Variants in KCNN2 observed in about 807,000 individuals in gnomAD.
KCNN2 encodes the protein potassium calcium-activated channel subfamily N member 2.
Under a neutral mutation model 55.5 loss-of-function variants are expected in KCNN2, and 24 were observed. That is an observed-to-expected ratio of 0.43 (90% CI 0.31 to 0.61). The LOEUF is 0.61. Among genes scored for constraint, KCNN2 ranks in the 20% least tolerant of loss-of-function variants. The pLI is 0.08. For missense variants in KCNN2, 754 were observed against 853.6 expected (o/e 0.88, Z 1.45); for synonymous variants, 431 against 336.1 (o/e 1.28, Z -3.09).
intron 2 of KCNN2, among the ~76,000 whole-genome samples, chr5:114,236,805 CATAT>C (rs1006926947): frequency 1.3e-5 from 2 of 151,984 alleles, no homozygotes; most frequent in African/African-American, 4.8e-5. Flanking sequence ...CATGTACACA[CATAT>C]ATATACACAT....
chr5:114,444,324 G>C lies in KCNN2; in HGVS notation c.1638-18725G>C, dbSNP rs150579664. Among the ~76,000 whole-genome samples, 8 of 152,160 alleles carry C rather than the reference G, an allele frequency of 5.3e-5. No homozygotes were observed. In the East Asian group the frequency reaches 1.2e-3, roughly 22 times the overall value. On this transcript the variant is annotated intron_variant, in intron 3 of 7. Transcript: ENST00000673685. ...CCCTTCTCAGGAGGAGGAGGGGTTAGAGTATTAAGAAATCACTGACTTCGG... is the reference window on the plus strand; with the variant it reads ...CCCTTCTCAGGAGGAGGAGGGGTTACAGTATTAAGAAATCACTGACTTCGG...
rs1329487037 is a variant in KCNN2 at position 114,483,278 on chromosome 5, T to C, written c.1891-3772T>C. ...GTAGTAGTGTTTCTTTCTTTCTTTT[T>C]TTTTTTTTTTTTTTGAGAGACGGAG... On this transcript the variant is annotated intron_variant, in intron 5 of 7. Coordinates refer to ENST00000673685, the MANE Select transcript of KCNN2 (RefSeq NM_021614.4). 2.0e-3 allele frequency among the ~76,000 whole-genome samples: 294 copies of C among 146,906 alleles called. 1 individual carries two copies. The highest frequency in any genetic ancestry group is 2.0e-3 in the Non-Finnish European group (132 of 66,506).
At chr5:114,194,779 A>G (rs1473970929) in intron 1 of KCNN2, among the ~76,000 whole-genome samples, 2 of 151,810 alleles carry the variant, frequency 1.3e-5, no homozygotes, top group Non-Finnish European at 2.9e-5. Flanking sequence ...TTGTAGATTT[A>G]CTCCTGTGAG....
At chr5:114,488,539 A>G (rs1203138773) in intron 6 of KCNN2, among the ~76,000 whole-genome samples, 1 of 152,184 alleles carries the variant, frequency 6.6e-6, no homozygotes, top group African/African-American at 2.4e-5. Context: ...AGTTACCCTT[A>G]TAACCCAGAA....
chr5:114,388,157 A>G (rs898159862), intron 2 of KCNN2, among the ~76,000 whole-genome samples: 2 of 152,072 alleles, frequency 1.3e-5, no homozygotes, highest in South Asian at 2.1e-4. Context: ...AGTTTGGTTC[A>G]TTTACATTTT....
At chr5:114,100,057 T>A (rs1405565899) in intron 1 of KCNN2, among the ~76,000 whole-genome samples, 1 of 151,958 alleles carries the variant, frequency 6.6e-6, no homozygotes, top group Non-Finnish European at 1.5e-5. Flanking sequence ...ATCTTATAGA[T>A]CAGAAATGAG....
At chr5:114,394,630 T>C (rs1464832683) in intron 2 of KCNN2, among the ~76,000 whole-genome samples, 1 of 152,244 alleles carries the variant, frequency 6.6e-6, no homozygotes, top group Non-Finnish European at 1.5e-5. Flanking sequence ...AGTATTTTCA[T>C]TTTCACATCT....
chr5:114,159,012 T>C (rs963282342), intron 1 of KCNN2, among the ~76,000 whole-genome samples: 2 of 152,174 alleles, frequency 1.3e-5, no homozygotes, highest in African/African-American at 4.8e-5. Context: ...TCCTGCCTGA[T>C]TGCCCTGGCC....
intron 1 of KCNN2, among the ~76,000 whole-genome samples, chr5:114,157,576 G>A (rs185071209): frequency 1.3e-5 from 2 of 152,238 alleles, no homozygotes; most frequent in East Asian, 3.9e-4. Flanking sequence ...CTGAGGAATT[G>A]CCACACTGAC....
chr5:114,479,592 A>G (rs1055545997), intron 5 of KCNN2, among the ~76,000 whole-genome samples: 3 of 152,202 alleles, frequency 2.0e-5, no homozygotes, highest in Admixed American at 6.6e-5. Context: ...TCTGATCGCT[A>G]TGTGGCACTT....
At position 114,362,469 on chromosome 5, in the gene KCNN2, G is replaced by GTCC. The variant is rs1245742257; in HGVS notation, c.332_334dup (p.Ser111dup). ...GCACCTCCTCGCCGCTGTCGGGCTCGTCCTGCTGCTGCTGCTGCTGCTCGT... is the reference window on the plus strand; with the variant it reads ...GCACCTCCTCGCCGCTGTCGGGCTCGTCCTCCTGCTGCTGCTGCTGCTGCTCGT... On this transcript the variant is annotated inframe_insertion, in exon 1 of 8. Coordinates refer to ENST00000673685, the MANE Select transcript of KCNN2 (RefSeq NM_021614.4). 2 of 430,722 alleles carry GTCC rather than the reference G, an allele frequency of 4.6e-6. No homozygotes were observed. The highest frequency in any genetic ancestry group is 4.2e-5 in the African/African-American group (2 of 47,806). The allele number at this position is 430,722 out of a possible 1,614,324, so 26.7% of individuals were successfully genotyped here. A position where few individuals can be genotyped will look rare whatever the true frequency, so the allele number is the denominator to read the frequency against.
intron 1 of KCNN2, among the ~76,000 whole-genome samples, chr5:114,119,187 C>T (rs6879488): frequency 0.031 from 4,682 of 152,226 alleles, 251 homozygotes; most frequent in African/African-American, 0.11. Flanking sequence ...TCCAGTGGGT[C>T]AGCCCAGGAG....
At chr5:114,196,441 C>T (rs892141733) in intron 1 of KCNN2, among the ~76,000 whole-genome samples, 14 of 152,036 alleles carry the variant, frequency 9.2e-5, no homozygotes, top group African/African-American at 3.4e-4. Context: ...GGTATTAATT[C>T]TTTTTTGAAT....
intron 1 of KCNN2, among the ~76,000 whole-genome samples, chr5:114,143,282 G>T (rs1240475642): frequency 6.6e-6 from 1 of 152,152 alleles, no homozygotes; most frequent in Non-Finnish European, 1.5e-5. Flanking sequence ...ACAATATAGT[G>T]TGTGCATCAG....
chr5:114,276,476 AG>A (rs1266284363), intron 2 of KCNN2, among the ~76,000 whole-genome samples: 3 of 151,974 alleles, frequency 2.0e-5, no homozygotes, highest in African/African-American at 4.8e-5. Context: ...GTCTCTTTTT[AG>A]GTCTCTAAGA....
intron 2 of KCNN2, among the ~76,000 whole-genome samples, chr5:114,331,463 A>G (rs1213867134): frequency 6.6e-6 from 1 of 152,230 alleles, no homozygotes; most frequent in African/African-American, 2.4e-5. Flanking sequence ...TTAACAAAGC[A>G]TCGGGAAACA....
In KCNN2 at chr5:114,288,815, C is replaced by A. The variant is rs1755818758; in HGVS notation, c.-185+67250C>A. Among the ~76,000 whole-genome samples the A allele has an allele frequency of 3.3e-5, 5 of 152,080 alleles. No homozygotes were observed. In the South Asian group the frequency reaches 1.0e-3, roughly 31 times the overall value. On this transcript the variant is annotated intron_variant, in intron 2 of 10. Transcript: ENST00000512097. ...TATTTTCACGCATCCTGTAGGTTGT[C>A]TTTTCACCTTCTTAATAATGTCCAT...
rs575180088 is a variant in KCNN2 at position 114,296,055 on chromosome 5, C to T, written c.-184-64890C>T. ...AAAAATAAAGATGTGATTGTTTTACCCACCTAAGCTCATAGATATACTGTA... is the reference window on the plus strand; with the variant it reads ...AAAAATAAAGATGTGATTGTTTTACTCACCTAAGCTCATAGATATACTGTA... On this transcript the variant is annotated intron_variant, in intron 2 of 10. Transcript: ENST00000512097. Among the ~76,000 whole-genome samples the T allele has an allele frequency of 6.6e-5, 10 of 152,162 alleles. No homozygotes were observed. The East Asian group carries it at 1.9e-3, about 29-fold the overall frequency.
Position 114,475,616 on chromosome 5 carries a change from C to G in KCNN2, c.1890+2452C>G, listed in dbSNP as rs116755257. ...GGATCAAGAGCTAAAGAATCACATT[C>G]GAGTATTCCAAAGATTTTAAGCTTT... On this transcript the variant is annotated intron_variant, in intron 5 of 7. Transcript: ENST00000673685. Among the ~76,000 whole-genome samples, 3 of 151,848 alleles carry G rather than the reference C, an allele frequency of 2.0e-5. No homozygotes were observed. In the South Asian group the frequency reaches 6.2e-4, roughly 32 times the overall value.
Sources: gnomAD v4.1 joint callset for allele counts (sites outside exome capture counted in the v4.1 genomes callset) on GRCh38, gnomAD v4.1.1 for gene constraint, MANE v1.5 for transcripts, NCBI Gene and HGNC (gene_info 2026-07-23, HGNC 2026-07-21) for gene names.